WWC1: variants seen among roughly 807,000 people sequenced by gnomAD.
WWC1 encodes protein KIBRA.
A neutral mutation model predicts 138.4 loss-of-function variants in WWC1; 55 were observed. The ratio of observed to expected loss-of-function variants is 0.40; its 90% CI spans 0.32 to 0.50. The LOEUF is 0.50. Ranked by LOEUF, WWC1 falls within the 20% of genes least tolerant of loss-of-function variation. WWC1 has a pLI of 0.72. For synonymous variants in WWC1, 524 were observed against 564.9 expected, an observed-to-expected ratio of 0.93 and a Z score of 1.03; for missense variants, 1,226 against 1,420.4, an observed-to-expected ratio of 0.86 and a Z score of 2.20.
Position 168,406,246 on chromosome 5 carries a change from A to T in WWC1, c.639A>T (p.Glu213Asp). The T allele has an allele frequency of 6.2e-7, 1 of 1,614,142 alleles. No homozygotes were observed. The highest frequency in any genetic ancestry group is 1.7e-5 in the Admixed American group (1 of 60,026). ...CTCAGGGCAGCTACAAACTGGATGA[A>T]GCTCAGGCTGTCTTGAGAGAAACAA... ...SDAQGSYKLD[E>D]AQAVLRETKA... is the part of the protein sequence containing the mutation. The change falls in exon 6 of 23, where the codon GAA (glutamate) becomes GAT (aspartate). Residue 213 changes from glutamate to aspartate, a missense_variant. Transcript: ENST00000265293.
chr5:168,433,742 T>A (rs945869529), intron 15 of WWC1, among the ~76,000 whole-genome samples: 14 of 152,170 alleles, frequency 9.2e-5, no homozygotes, highest in Admixed American at 4.6e-4. Flanking sequence ...TTTGCCATGT[T>A]GGCCAGGCTG....
rs1366963523 is a variant in WWC1, at chr5:168,357,491, T to TGC, written c.120-13932_120-13931insCG. On this transcript the variant is annotated intron_variant, in intron 1 of 22. Coordinates refer to ENST00000265293, the MANE Select transcript of WWC1 (RefSeq NM_015238.3). Reference sequence around the variant, plus strand: ...GTGTGTGTGTGTGTGTGTGTGTGTGTGTGCGCGCGCGCACGCATGCACGTG... The same window carrying TGC: ...GTGTGTGTGTGTGTGTGTGTGTGTGTGCGTGCGCGCGCGCACGCATGCACGTG... Among the ~76,000 whole-genome samples the TGC allele has an allele frequency of 7.3e-4, 51 of 69,894 alleles. 1 individual carries two copies. Among genetic ancestry groups the TGC allele is most frequent in the African/African-American group, 3.2e-3 (50 of 15,782 alleles). 45.9% of individuals were successfully genotyped at this position (69,894 alleles called of 152,430 possible).
intron 1 of WWC1, among the ~76,000 whole-genome samples, chr5:168,337,570 G>A (rs1289345740): frequency 6.6e-6 from 1 of 152,210 alleles, no homozygotes; most frequent in Non-Finnish European, 1.5e-5. Context: ...AGGCCAGGAG[G>A]CCCTGAAAGA....
intron 1 of WWC1, among the ~76,000 whole-genome samples, chr5:168,360,870 A>G (rs1010193552): frequency 6.6e-6 from 1 of 152,252 alleles, no homozygotes. Context: ...GGAATGGCCA[A>G]ATTCCAGGAC....
chr5:168,305,335 C>T (rs1449294406), intron 1 of WWC1, among the ~76,000 whole-genome samples: 1 of 152,170 alleles, frequency 6.6e-6, no homozygotes, highest in African/African-American at 2.4e-5. Flanking sequence ...ACACTCCCTT[C>T]TCCAGGCCCT....
intron 21 of WWC1, among the ~76,000 whole-genome samples, chr5:168,466,404 T>C (rs1394151717): frequency 6.6e-6 from 1 of 152,216 alleles, no homozygotes; most frequent in Admixed American, 6.5e-5. Flanking sequence ...AAAAAGACTT[T>C]TGCTAGTTCT....
intron 1 of WWC1, among the ~76,000 whole-genome samples, chr5:168,323,948 A>G (rs1367669504): frequency 6.6e-6 from 1 of 152,236 alleles, no homozygotes; most frequent in East Asian, 1.9e-4. Flanking sequence ...ACTTCTCATC[A>G]GAGACGATAC....
chr5:168,421,918 C>A, intron 9 of WWC1, 90 bp from the exon 10 acceptor site: 1 of 1,099,126 alleles, frequency 9.1e-7, no homozygotes, highest in East Asian at 2.5e-5. Context: ...ACGGAAAGTT[C>A]TTGTGCCTGT....
intron 3 of WWC1, among the ~76,000 whole-genome samples, chr5:168,397,446 A>C (rs1167664995): frequency 6.6e-6 from 1 of 152,130 alleles, no homozygotes; most frequent in Non-Finnish European, 1.5e-5. Context: ...CCTGGCCCCA[A>C]ATTTAAATTA....
intron 1 of WWC1, among the ~76,000 whole-genome samples, chr5:168,295,238 C>T (rs1486411991): frequency 6.6e-6 from 1 of 152,106 alleles, no homozygotes; most frequent in Non-Finnish European, 1.5e-5. Context: ...TCTTCAAGGG[C>T]CTGCCAGCTC....
chr5:168,448,398 G>C (rs929917516), intron 17 of WWC1, among the ~76,000 whole-genome samples: 3 of 152,000 alleles, frequency 2.0e-5, no homozygotes, highest in Non-Finnish European at 4.4e-5. Context: ...CAGAAAACTG[G>C]ATTTTTTTTT....
At chr5:168,449,501 A>G (rs912801123) in intron 17 of WWC1, among the ~76,000 whole-genome samples, 2 of 151,454 alleles carry the variant, frequency 1.3e-5, no homozygotes, top group African/African-American at 4.9e-5. Context: ...ATACTGGTCA[A>G]TGTGGCTTCT....
Position 168,291,867 on chromosome 5 carries a change from G to C in WWC1, c.-286G>C, listed in dbSNP as rs2152732084. On this transcript the variant is annotated 5_prime_UTR_variant, in exon 1 of 23. Transcript: ENST00000265293. ...CGGCGGCGCTCGGCTCGCTCTGCCC[G>C]GCCGGCTGGGCGCGCACCCGGGCTC... 1 of 150,004 alleles carries C rather than the reference G, an allele frequency of 6.7e-6. No homozygotes were observed. 9.3% of individuals were successfully genotyped at this position (150,004 alleles called of 1,614,324 possible).
At chr5:168,349,038 C>T (rs1373919687) in intron 1 of WWC1, among the ~76,000 whole-genome samples, 1 of 152,076 alleles carries the variant, frequency 6.6e-6, no homozygotes, top group Non-Finnish European at 1.5e-5. Context: ...TGAGGCACAG[C>T]AAGGTTAATA....
chr5:168,322,036 C>G (rs188924139), intron 1 of WWC1, among the ~76,000 whole-genome samples: 1 of 152,116 alleles, frequency 6.6e-6, no homozygotes, highest in Non-Finnish European at 1.5e-5. Context: ...AGGAGATCTG[C>G]GAGGTCAAAG....
intron 1 of WWC1, among the ~76,000 whole-genome samples, chr5:168,345,017 C>G (rs1038644568): frequency 1.3e-5 from 2 of 152,192 alleles, no homozygotes; most frequent in Admixed American, 6.5e-5. Context: ...TCCCACCAGG[C>G]TCATAAGGAA....
rs539471638 is a variant in WWC1, at chr5:168,455,344, C to T, written c.2659-12C>T. 2.6e-6 allele frequency: 4 copies of T among 1,560,456 alleles called. No individual in the cohort carries two copies. In the South Asian group the frequency reaches 3.6e-5, roughly 14 times the overall value. ...GGACACTGGTGGCTTCAAGGTGTGA[C>T]TTCTTCCTCAGGTGGACAAAGAGAC... On this transcript the variant is annotated splice_polypyrimidine_tract_variant and intron_variant, in intron 18 of 22. Transcript: ENST00000265293.
At chr5:168,307,366 GT>G (rs1770667922) in intron 1 of WWC1, among the ~76,000 whole-genome samples, 1 of 152,148 alleles carries the variant, frequency 6.6e-6, no homozygotes. Flanking sequence ...AGACTAGAGC[GT>G]CTTTCACTGC....
intron 8 of WWC1, chr5:168,412,205 C>G (rs1780279047): frequency 8.1e-6 from 8 of 985,226 alleles, no homozygotes; most frequent in Non-Finnish European, 9.6e-6. Context: ...CACAGAGCTT[C>G]CTAGCTCATC....
Sources: gnomAD v4.1 joint callset for allele counts (sites outside exome capture counted in the v4.1 genomes callset) on GRCh38, gnomAD v4.1.1 for gene constraint, MANE v1.5 for transcripts, NCBI Gene and HGNC (gene_info 2026-07-23, HGNC 2026-07-21) for gene names.